Variants in PLA1A observed in about 807,000 individuals in gnomAD.
PLA1A encodes the protein phospholipase A1 member A.
Under a neutral mutation model 49.4 loss-of-function variants are expected in PLA1A, and 47 were observed. The ratio of observed to expected loss-of-function variants is 0.95; its 90% confidence interval spans 0.75 to 1.21. The LOEUF (loss-of-function observed/expected upper bound fraction) is 1.21. Among genes scored for constraint, PLA1A ranks in the 50% most tolerant of loss-of-function variants. The probability of loss-of-function intolerance (pLI) is 0.00; values close to 1 mark genes in which losing one functional copy is unlikely to be tolerated. For missense variants in PLA1A, 561 were observed against 563.9 expected (o/e 0.99, Z 0.05); for synonymous variants, 224 against 207.9 (o/e 1.08, Z -0.67).
intron 7 of PLA1A, among the ~76,000 whole-genome samples, 179 bp downstream of exon 7, chr3:119,618,365 G>A (rs1208512078): frequency 6.6e-6 from 1 of 152,130 alleles, no homozygotes; most frequent in Non-Finnish European, 1.5e-5. Context: ...TGGTTCTCGT[G>A]CCCCACCCCT....
intron 9 of PLA1A, 147 bp downstream of exon 9, chr3:119,625,379 A>G (rs2052508474): frequency 3.3e-6 from 2 of 600,460 alleles, no homozygotes; most frequent in Admixed American, 5.4e-5. Context: ...CCTACTATAG[A>G]TCCAGCCACA....
intron 1 of PLA1A, among the ~76,000 whole-genome samples, chr3:119,605,488 A>G (rs1042860605): frequency 6.6e-6 from 1 of 152,188 alleles, no homozygotes; most frequent in Admixed American, 6.5e-5. Flanking sequence ...GAAGATAATC[A>G]CTCCAGAAAT....
Position 119,609,470 on chromosome 3 carries a change from GC to G in PLA1A, c.457del (p.Leu153TrpfsTer104). ...ACTCACTGTTCCTGCTCTTCTAGGT[GC>G]TGGGTGTGTCGGAATCCTCAATCCA... ...ISLFLNKLLV[L>X]GVSESSIHII... is the part of the protein sequence containing the mutation. On this transcript the variant is annotated frameshift_variant, in exon 4 of 11. Coordinates refer to ENST00000273371, the MANE Select transcript of PLA1A (RefSeq NM_015900.4). LOFTEE classifies it high-confidence loss of function. 6.2e-7 allele frequency: 1 copy of G among 1,600,160 alleles called. No individual in the cohort carries two copies. The highest frequency in any genetic ancestry group is 1.1e-5 in the South Asian group (1 of 90,748).
At chr3:119,628,246 G>A (rs1486996554) in intron 9 of PLA1A, among the ~76,000 whole-genome samples, 1 of 152,208 alleles carries the variant, frequency 6.6e-6, no homozygotes, top group Non-Finnish European at 1.5e-5. Flanking sequence ...AACTCTGTCT[G>A]CGCTTCATGA....
intron 6 of PLA1A, among the ~76,000 whole-genome samples, chr3:119,616,587 T>C (rs2082851310): frequency 6.6e-6 from 1 of 152,208 alleles, no homozygotes; most frequent in Non-Finnish European, 1.5e-5. Context: ...AATTATTTGG[T>C]TTTCTTATAT....
intron 4 of PLA1A, among the ~76,000 whole-genome samples, chr3:119,611,763 C>A (rs2082767011): frequency 6.6e-6 from 1 of 152,136 alleles, no homozygotes; most frequent in African/African-American, 2.4e-5. Context: ...TTGGTCAAAC[C>A]TTTAGGGTGC....
intron 2 of PLA1A, 76 bp from the exon 3 acceptor site, chr3:119,608,694 A>G: frequency 8.8e-7 from 1 of 1,131,566 alleles, no homozygotes; most frequent in South Asian, 1.4e-5. Context: ...TGGGTTTGAG[A>G]TTAATAGAGG....
At chr3:119,607,013 A>G in intron 2 of PLA1A, 38 bp downstream of exon 2, 1 of 1,499,204 alleles carries the variant, frequency 6.7e-7, no homozygotes, top group East Asian at 2.3e-5. Context: ...CTCAACTAAG[A>G]ATGATCAAGT....
At chr3:119,607,094 T>G in intron 2 of PLA1A, 119 bp downstream of exon 2, 1 of 760,112 alleles carries the variant, frequency 1.3e-6, no homozygotes, top group Non-Finnish European at 2.3e-6. Flanking sequence ...ACATGTTCCA[T>G]CCCTCATATC....
At chr3:119,602,592 G>A (rs1477101690) in intron 1 of PLA1A, among the ~76,000 whole-genome samples, 1 of 152,134 alleles carries the variant, frequency 6.6e-6, no homozygotes, top group East Asian at 1.9e-4. Flanking sequence ...CAAAGAGCCA[G>A]TTTTGGGTAC....
intron 10 of PLA1A, 148 bp from the exon 11 acceptor site, chr3:119,629,236 C>T (rs1201372082): frequency 6.0e-6 from 4 of 661,976 alleles, no homozygotes; most frequent in Non-Finnish European, 1.1e-5. Flanking sequence ...ACCTTACCAC[C>T]CCTGGGCACT....
At position 119,628,712 on chromosome 3, in the gene PLA1A, A is replaced by C; in HGVS notation, c.1133A>C (p.Gln378Pro). 6.2e-7 allele frequency: 1 copy of C among 1,614,168 alleles called. No homozygotes were observed. Among genetic ancestry groups the C allele is most frequent in the East Asian group, 2.2e-5 (1 of 44,890 alleles). ...CCCTTTTCTTGCAGACCTAAGCAGC[A>C]ACGCTATGGGAAAGGAATCATAGCC... is the stretch of plus-strand genomic sequence containing the variant. The part of the protein sequence containing the change: ...SSSKITIPKQ[Q>P]RYGKGIIAHA... Residue 378 changes from glutamine (Q) to proline (P), a missense_variant, in exon 10 of 11, where the codon CAA becomes CCA. Gln to Pro is a moderately conservative substitution (Grantham distance 76). Transcript: ENST00000273371.
chr3:119,613,750 G>A (rs55801535), intron 5 of PLA1A, among the ~76,000 whole-genome samples: 37,062 of 152,046 alleles, frequency 0.24, 5,730 homozygotes, highest in East Asian at 0.47. Flanking sequence ...AAAATTAGCC[G>A]GGCGTGGTGG....
At chr3:119,604,561 G>T (rs1473194647) in intron 1 of PLA1A, among the ~76,000 whole-genome samples, 3 of 152,224 alleles carry the variant, frequency 2.0e-5, no homozygotes, top group East Asian at 3.9e-4. Context: ...TAAAAAAGTG[G>T]ATTCATGATG....
rs751461202 is a variant in PLA1A, at chr3:119,619,603, C to G, written c.963C>G (p.Pro321=). 1.2e-6 allele frequency: 2 copies of G among 1,613,740 alleles called. No homozygotes were observed. ...GTGGTGTCAAGATAGAGCCGCTCCC[C>G]AAGGAAGTGAAAGTCTACCTCCTGA... ...EQGGVKIEPL[P]KEVKVYLLTT... The change falls in exon 8 of 11, where the codon CCC becomes CCG. Residue 321 remains proline, a synonymous_variant. Coordinates refer to ENST00000273371, the MANE Select transcript of PLA1A (RefSeq NM_015900.4).
intron 4 of PLA1A, among the ~76,000 whole-genome samples, chr3:119,609,965 T>C (rs971908428): frequency 1.2e-4 from 19 of 152,210 alleles, no homozygotes; most frequent in Non-Finnish European, 8.8e-5. Context: ...TTGCAACCCT[T>C]GTCCCTTGCT....
intron 1 of PLA1A, among the ~76,000 whole-genome samples, chr3:119,603,568 T>C (rs1193353820): frequency 1.3e-5 from 2 of 152,250 alleles, no homozygotes; most frequent in Non-Finnish European, 2.9e-5. Context: ...AAATATTAGC[T>C]TATCTAATCT....
chr3:119,627,988 T>C (rs1031557360), intron 9 of PLA1A, among the ~76,000 whole-genome samples: 3 of 150,188 alleles, frequency 2.0e-5, no homozygotes, highest in African/African-American at 7.4e-5. Context: ...TGCCTGAATC[T>C]TTAAACATAA....
intron 1 of PLA1A, among the ~76,000 whole-genome samples, chr3:119,605,936 C>T (rs1471456557): frequency 2.0e-5 from 3 of 152,134 alleles, no homozygotes; most frequent in Non-Finnish European, 4.4e-5. Context: ...ATGGGCTGGG[C>T]ACTGGAAGGC....
Sources: gnomAD v4.1 joint callset for allele counts (sites outside exome capture counted in the v4.1 genomes callset) on GRCh38, gnomAD v4.1.1 for gene constraint, MANE v1.5 for transcripts, NCBI Gene and HGNC (gene_info 2026-07-23, HGNC 2026-07-21) for gene names.